The following ARHGAP8 variants were observed in gnomAD, a reference collection of about 807,000 sequenced individuals.
The protein encoded by ARHGAP8 is Rho GTPase activating protein 8, also known as rho GTPase-activating protein 8.
In ARHGAP8, 62 loss-of-function variants were observed where a neutral mutation model predicts 46.1. The ratio of observed to expected loss-of-function variants is 1.34; its 90% CI spans 1.10 to 1.66. The LOEUF (loss-of-function observed/expected upper bound fraction) is 1.66. ARHGAP8 is among the 40% of genes most tolerant of loss of function. The pLI is 0.00. For missense variants in ARHGAP8, 923 were observed against 568.4 expected, an observed-to-expected ratio of 1.62 and a Z score of -6.34; for synonymous variants, 375 against 243.1, an observed-to-expected ratio of 1.54 and a Z score of -5.05.
At chr22:44,774,240 A>G (rs570871420) in intron 1 of ARHGAP8, among the ~76,000 whole-genome samples, 1 of 152,268 alleles carries the variant, frequency 6.6e-6, no homozygotes, top group Non-Finnish European at 1.5e-5. Flanking sequence ...TGAACTGTTG[A>G]TAGAGATGGA....
chr22:44,841,275 G>A (rs1169932712), intron 7 of ARHGAP8, among the ~76,000 whole-genome samples: 1 of 152,168 alleles, frequency 6.6e-6, no homozygotes, highest in Non-Finnish European at 1.5e-5. Flanking sequence ...GTGCGAGCGT[G>A]ATTTGCCGAT....
chr22:44,797,006 G>A (rs1433861295), intron 2 of ARHGAP8, among the ~76,000 whole-genome samples: 3 of 152,152 alleles, frequency 2.0e-5, no homozygotes, highest in Admixed American at 6.5e-5. Context: ...TTCTTGTGGG[G>A]CTGGGCATAG....
chr22:44,766,470 CTG>C (rs1310108419), intron 1 of ARHGAP8, among the ~76,000 whole-genome samples: 5 of 151,432 alleles, frequency 3.3e-5, no homozygotes, highest in Non-Finnish European at 5.9e-5. Flanking sequence ...GTACGTGTCT[CTG>C]TGCATATGTG....
At chr22:44,859,964 C>A in intron 11 of ARHGAP8, 130 bp downstream of exon 11, 3 of 1,098,080 alleles carry the variant, frequency 2.7e-6, no homozygotes, top group South Asian at 1.6e-5. Context: ...GAATACCACT[C>A]CCTGCCCCCC....
intron 6 of ARHGAP8, among the ~76,000 whole-genome samples, chr22:44,823,650 G>T (rs1359757785): frequency 6.6e-6 from 1 of 152,180 alleles, no homozygotes. Flanking sequence ...GTGATCCGGG[G>T]GAGTCCATGG....
chr22:44,779,245 C>G (rs1052567658), intron 1 of ARHGAP8, among the ~76,000 whole-genome samples: 3 of 151,358 alleles, frequency 2.0e-5, no homozygotes, highest in African/African-American at 7.3e-5. Context: ...GATTACAGGT[C>G]CCCACCATCC....
intron 7 of ARHGAP8, among the ~76,000 whole-genome samples, chr22:44,835,839 TG>T (rs1416255459): frequency 1.3e-5 from 2 of 152,204 alleles, no homozygotes; most frequent in Admixed American, 6.5e-5. Context: ...AGAAAAGAAC[TG>T]GTAAGTATCT....
chr22:44,771,285 C>T (rs1164662823), intron 1 of ARHGAP8, among the ~76,000 whole-genome samples: 7 of 114,948 alleles, frequency 6.1e-5, no homozygotes, highest in African/African-American at 1.6e-4. Context: ...CTTGCTCTGT[C>T]GCCCAGGCTG....
At chr22:44,759,822 C>T (rs1364185307) in intron 1 of ARHGAP8, among the ~76,000 whole-genome samples, 1 of 152,212 alleles carries the variant, frequency 6.6e-6, no homozygotes, top group African/African-American at 2.4e-5. Flanking sequence ...CCTAACTGGG[C>T]GGGCCCTGGG....
In ARHGAP8 at chr22:44,814,725, A is replaced by G. The variant is rs1929610314; in HGVS notation, c.353A>G (p.Lys118Arg). Residue 118 changes from lysine to arginine, a missense_variant, in exon 5 of 12, where the codon AAG becomes AGG. Physicochemically the swap from Lys to Arg is conservative, Grantham distance 26. Transcript: ENST00000356099. ...GTGGTGCACCCCACCAGCTTCATCA[A>G]GGTCCTGTGGAACATCTTGAAGCCC... is the stretch of plus-strand genomic sequence containing the variant. ...LYVVHPTSFI[K>R]VLWNILKPLI... 3.1e-6 allele frequency: 5 copies of G among 1,613,988 alleles called. No homozygotes were observed. Among genetic ancestry groups the G allele is most frequent in the Non-Finnish European group, 4.2e-6 (5 of 1,179,940 alleles).
chr22:44,805,573 A>G (rs551547245), intron 3 of ARHGAP8, among the ~76,000 whole-genome samples: 50 of 152,246 alleles, frequency 3.3e-4, no homozygotes, highest in Non-Finnish European at 6.3e-4. Flanking sequence ...CATGGCTTCC[A>G]TGAACAGTTG....
intron 1 of ARHGAP8, chr22:44,765,280 C>A (rs1925467430): frequency 6.6e-6 from 1 of 152,402 alleles, no homozygotes; most frequent in Non-Finnish European, 1.5e-5. Context: ...TGTCCCTGTG[C>A]CCTGGGAGGG....
chr22:44,792,790 ACAG>A (rs1276350577), intron 2 of ARHGAP8, among the ~76,000 whole-genome samples: 1 of 97,578 alleles, frequency 1.0e-5, no homozygotes, highest in African/African-American at 4.7e-5. Flanking sequence ...GACACTAACG[ACAG>A]TGGTGGTGGT....
chr22:44,848,869 G>C (rs574051868), intron 9 of ARHGAP8, 63 bp from the exon 10 acceptor site: 2 of 1,603,318 alleles, frequency 1.2e-6, no homozygotes, highest in Admixed American at 3.4e-5. Context: ...CTCAGAGCTC[G>C]TTCTGCAGCG....
intron 7 of ARHGAP8, among the ~76,000 whole-genome samples, chr22:44,835,879 C>T (rs1198424777): frequency 2.6e-5 from 4 of 152,090 alleles, no homozygotes; most frequent in South Asian, 2.1e-4. Flanking sequence ...TTCCTGTGTG[C>T]GTAGGATATG....
At chr22:44,846,715 C>A (rs116130378) in intron 8 of ARHGAP8, among the ~76,000 whole-genome samples, 1 of 152,190 alleles carries the variant, frequency 6.6e-6, no homozygotes, top group Non-Finnish European at 1.5e-5. Flanking sequence ...ATCATTCACT[C>A]ATTCACTTGG....
At chr22:44,836,751 C>T (rs1191246720) in intron 7 of ARHGAP8, among the ~76,000 whole-genome samples, 1 of 152,042 alleles carries the variant, frequency 6.6e-6, no homozygotes, top group African/African-American at 2.4e-5. Context: ...GCAGGACCAT[C>T]TCAGAGGGTT....
At chr22:44,853,999 C>T (rs111517847) in intron 10 of ARHGAP8, among the ~76,000 whole-genome samples, 34,176 of 128,360 alleles carry the variant, frequency 0.27, 4,537 homozygotes, top group Middle Eastern at 0.35. Context: ...TGCACTCCAG[C>T]CTGGGACACA....
Position 44,859,848 on chromosome 22 carries a change from G to T in ARHGAP8, c.981+14G>T, listed in dbSNP as rs554408993. The T allele has an allele frequency of 9.8e-5, 158 of 1,610,888 alleles. No individual in the cohort carries two copies. The highest frequency in any genetic ancestry group is 4.9e-4 in the Middle Eastern group (3 of 6,074). ...TTCCTGCATGCGGTGAGTGGGGAAGGGGGGAGCTTGGGGTGAAGCCCAGTG... is the reference window on the plus strand; with the variant it reads ...TTCCTGCATGCGGTGAGTGGGGAAGTGGGGAGCTTGGGGTGAAGCCCAGTG... On this transcript the variant is annotated intron_variant, in intron 11 of 11. Transcript: ENST00000356099.
Sources: allele counts gnomAD v4.1 joint callset (sites outside exome capture counted in the v4.1 genomes callset), GRCh38; gene constraint gnomAD v4.1.1; transcripts MANE v1.5; gene names NCBI Gene and HGNC (gene_info 2026-07-23, HGNC 2026-07-21).